The following BCKDHB variants were observed in gnomAD, a reference collection of about 807,000 sequenced individuals.
The protein encoded by BCKDHB is 2-oxoisovalerate dehydrogenase subunit beta, mitochondrial.
In BCKDHB, 41 loss-of-function variants were observed where a neutral mutation model predicts 48.5. That is an observed-to-expected ratio of 0.85 (90% CI 0.66 to 1.10). The LOEUF is 1.10. Ranked by LOEUF, BCKDHB falls within the 50% of genes least tolerant of loss-of-function variation. BCKDHB has a pLI of 0.00. For missense variants in BCKDHB, 496 were observed against 494.2 expected (o/e 1.00, Z -0.03); for synonymous variants, 201 against 174.8 (o/e 1.15, Z -1.18).
At chr6:80,128,882 G>A (rs1412880569) in intron 2 of BCKDHB, among the ~76,000 whole-genome samples, 3 of 150,700 alleles carry the variant, frequency 2.0e-5, no homozygotes, top group Admixed American at 6.6e-5. Flanking sequence ...CTGTGTGTGT[G>A]TGTGTGTGTG....
intron 8 of BCKDHB, among the ~76,000 whole-genome samples, chr6:80,218,141 C>G (rs1189768214): frequency 6.6e-6 from 1 of 152,136 alleles, no homozygotes; most frequent in Non-Finnish European, 1.5e-5. Flanking sequence ...GCCGCCACTT[C>G]TCACTGGAAA....
At chr6:80,210,584 T>C (rs1443089991) in intron 8 of BCKDHB, among the ~76,000 whole-genome samples, 1 of 152,084 alleles carries the variant, frequency 6.6e-6, no homozygotes, top group Non-Finnish European at 1.5e-5. Context: ...TGAACAAAAT[T>C]TTTAAAAAAG....
the BCKDHB span, among the ~76,000 whole-genome samples, chr6:80,442,015 T>C: frequency 6.6e-6 from 1 of 152,194 alleles, no homozygotes; most frequent in African/African-American, 2.4e-5. Flanking sequence ...GTTGGATATG[T>C]CAGGGAAATG....
intron 9 of BCKDHB, among the ~76,000 whole-genome samples, chr6:80,288,021 A>G (rs994122973): frequency 6.6e-6 from 1 of 152,154 alleles, no homozygotes; most frequent in Non-Finnish European, 1.5e-5. Flanking sequence ...ATGACTTACA[A>G]TTTGTTGTGT....
At chr6:80,246,635 G>A (rs184741986) in intron 8 of BCKDHB, among the ~76,000 whole-genome samples, 52 of 152,270 alleles carry the variant, frequency 3.4e-4, no homozygotes, top group Non-Finnish European at 5.1e-4. Flanking sequence ...TTCTAACCTG[G>A]CAGACTTCTT....
rs1223800311 is a variant in BCKDHB at position 80,106,857 on chromosome 6, C to T, written c.164C>T (p.Thr55Ile). The T allele has an allele frequency of 1.2e-6, 2 of 1,609,982 alleles. No homozygotes were observed. Among genetic ancestry groups the T allele is most frequent in the Non-Finnish European group, 1.7e-6 (2 of 1,178,904 alleles). Reference protein sequence around the residue: ...AAQRRQVAHFTFQPDPEPREY... With the variant: ...AAQRRQVAHFIFQPDPEPREY... Reference sequence around the variant, plus strand: ...CAGAGGCGGCAGGTGGCTCATTTTACTTTCCAGCCAGATCCGGAGCCCCGG... The same window carrying T: ...CAGAGGCGGCAGGTGGCTCATTTTATTTTCCAGCCAGATCCGGAGCCCCGG... Residue 55 changes from threonine to isoleucine, a missense_variant, in exon 1 of 10, where the codon ACT becomes ATT. Coordinates refer to ENST00000320393, the MANE Select transcript of BCKDHB (RefSeq NM_183050.4).
intron 3 of BCKDHB, among the ~76,000 whole-genome samples, chr6:80,133,794 C>G (rs970379220): frequency 2.0e-5 from 3 of 152,040 alleles, no homozygotes; most frequent in Admixed American, 1.3e-4. Context: ...AGGTGCCCAC[C>G]ACCACACCTG....
chr6:80,174,474 A>C (rs1036878085), intron 6 of BCKDHB, among the ~76,000 whole-genome samples: 1 of 152,160 alleles, frequency 6.6e-6, no homozygotes, highest in Non-Finnish European at 1.5e-5. Flanking sequence ...GTGCATGTAC[A>C]AAAAGTTGGC....
Position 80,296,028 on chromosome 6 carries a change from G to A in BCKDHB, c.1038+22807G>A, listed in dbSNP as rs199726253. On this transcript the variant is annotated intron_variant, in intron 9 of 9. Coordinates refer to ENST00000320393, the MANE Select transcript of BCKDHB (RefSeq NM_183050.4). ...TGCTGCAAAACAAAACAAAGGATCA[G>A]CAATGTTTGAAGCAAAGTCAACAAG... 2.0e-5 allele frequency among the ~76,000 whole-genome samples: 3 copies of A among 152,298 alleles called. No homozygotes were observed. The East Asian group carries it at 5.8e-4, about 29-fold the overall frequency.
rs1361428559 is a variant in BCKDHB at position 80,329,597 on chromosome 6, C to T, written c.1039-14067C>T. Among the ~76,000 whole-genome samples the T allele has an allele frequency of 4.6e-5, 7 of 152,130 alleles. No homozygotes were observed. In the East Asian group the frequency reaches 1.4e-3, roughly 29 times the overall value. ...CCCCTGCTTCCTACTGCTCCATTGT[C>T]CCACTTTGGGTGTCTCCCCCTCCTC... On this transcript the variant is annotated intron_variant, in intron 9 of 9. Transcript: ENST00000320393.
chr6:80,189,803 A>G (rs553220581), intron 6 of BCKDHB, among the ~76,000 whole-genome samples: 3 of 152,118 alleles, frequency 2.0e-5, no homozygotes, highest in Non-Finnish European at 2.9e-5. Flanking sequence ...TCTCAGTAAT[A>G]TATATTTTAG....
intron 6 of BCKDHB, among the ~76,000 whole-genome samples, chr6:80,199,634 G>A (rs1394210124): frequency 6.6e-6 from 1 of 151,536 alleles, no homozygotes; most frequent in Non-Finnish European, 1.5e-5. Flanking sequence ...AAAATTAGCA[G>A]AGCGTGGTGG....
At chr6:80,364,208 C>G in the BCKDHB span, among the ~76,000 whole-genome samples, 1 of 152,126 alleles carries the variant, frequency 6.6e-6, no homozygotes, top group Non-Finnish European at 1.5e-5. Context: ...TTACTGTGAA[C>G]TCAAACATGC....
chr6:80,424,025 G>A, the BCKDHB span, among the ~76,000 whole-genome samples: 1 of 152,190 alleles, frequency 6.6e-6, no homozygotes, highest in Non-Finnish European at 1.5e-5. Context: ...ATAGAGGCAT[G>A]AAACATCTAT....
At chr6:80,290,511 T>A (rs114081764) in intron 9 of BCKDHB, among the ~76,000 whole-genome samples, 1,756 of 152,290 alleles carry the variant, frequency 0.012, 25 homozygotes, top group African/African-American at 0.04. Context: ...AGCCTCATGG[T>A]GGGGTATTAA....
intron 8 of BCKDHB, among the ~76,000 whole-genome samples, chr6:80,220,304 G>GTTTTTTTTTTTTTTTTTTTT (rs56967096): frequency 8.2e-5 from 5 of 60,848 alleles, no homozygotes; most frequent in Non-Finnish European, 8.8e-5. Flanking sequence ...CATGCTATTT[G>GTTTTTTTTTTTTTTTTTTTT]TTTTTTTTTT....
chr6:80,212,948 T>C (rs1411564005), intron 8 of BCKDHB, among the ~76,000 whole-genome samples: 1 of 152,228 alleles, frequency 6.6e-6, no homozygotes, highest in Non-Finnish European at 1.5e-5. Flanking sequence ...TTATTTACAT[T>C]GTTGATCTTT....
intron 8 of BCKDHB, among the ~76,000 whole-genome samples, chr6:80,272,411 C>T (rs1777784969): frequency 6.6e-6 from 1 of 152,078 alleles, no homozygotes; most frequent in African/African-American, 2.4e-5. Flanking sequence ...AAGCAATAAC[C>T]TGCTGTTGAT....
chr6:80,401,690 T>G, the BCKDHB span, among the ~76,000 whole-genome samples: 1 of 151,880 alleles, frequency 6.6e-6, no homozygotes, highest in East Asian at 1.9e-4. Flanking sequence ...AGAATTTATC[T>G]TATATAACTA....
Sources: allele counts gnomAD v4.1 joint callset (sites outside exome capture counted in the v4.1 genomes callset), GRCh38; gene constraint gnomAD v4.1.1; transcripts MANE v1.5; gene names NCBI Gene and HGNC (gene_info 2026-07-23, HGNC 2026-07-21).